Variants in YAF2 observed in about 807,000 individuals in gnomAD.
YAF2 encodes YY1-associated factor 2.
A neutral mutation model predicts 20.1 loss-of-function variants in YAF2; 7 were observed. The observed-to-expected ratio is 0.35, with a 90% CI of 0.20 to 0.65. The LOEUF (loss-of-function observed/expected upper bound fraction) is 0.65, where lower values mean the gene tolerates loss of function less well. Among genes scored for constraint, YAF2 ranks in the 30% least tolerant of loss-of-function variants. YAF2 has a pLI of 0.69. For missense variants in YAF2, 151 were observed against 219.2 expected, an observed-to-expected ratio of 0.69 and a Z score of 1.96; for synonymous variants, 74 against 76.0, an observed-to-expected ratio of 0.97 and a Z score of 0.14.
At chr12:42,213,396 A>G (rs949470894) in intron 2 of YAF2, among the ~76,000 whole-genome samples, 6 of 152,226 alleles carry the variant, frequency 3.9e-5, no homozygotes, top group African/African-American at 1.4e-4. Context: ...ACAAAATTCT[A>G]TTATATTATT....
intron 2 of YAF2, among the ~76,000 whole-genome samples, chr12:42,173,454 A>G (rs1379968872): frequency 6.6e-6 from 1 of 152,198 alleles, no homozygotes; most frequent in African/African-American, 2.4e-5. Flanking sequence ...AAGCCTCTCA[A>G]ATCATTAAAT....
chr12:42,182,825 A>G (rs1001357730), intron 2 of YAF2, among the ~76,000 whole-genome samples: 10 of 152,238 alleles, frequency 6.6e-5, no homozygotes, highest in African/African-American at 2.4e-4. Flanking sequence ...TTTCTAGACC[A>G]CTGCTCAAGT....
At chr12:42,173,170 C>A (rs1274400155) in intron 2 of YAF2, among the ~76,000 whole-genome samples, 2 of 152,186 alleles carry the variant, frequency 1.3e-5, no homozygotes, top group Non-Finnish European at 2.9e-5. Flanking sequence ...ATAGACACTG[C>A]AGCCTCAAAC....
At chr12:42,174,009 C>T (rs1322312316) in intron 2 of YAF2, among the ~76,000 whole-genome samples, 1 of 151,896 alleles carries the variant, frequency 6.6e-6, no homozygotes, top group Non-Finnish European at 1.5e-5. Context: ...TGCCACTGAC[C>T]TCCTTTGTTT....
At chr12:42,223,356 A>G (rs1277584584) in intron 2 of YAF2, among the ~76,000 whole-genome samples, 1 of 151,008 alleles carries the variant, frequency 6.6e-6, no homozygotes, top group African/African-American at 2.5e-5. Flanking sequence ...ACACACACAC[A>G]TATATATACA....
At chr12:42,227,779 CTGTCCGGGAGGGAGGTGGGGGGGT>C (rs2067781703) in intron 2 of YAF2, among the ~76,000 whole-genome samples, 1 of 147,990 alleles carries the variant, frequency 6.8e-6, no homozygotes, top group Non-Finnish European at 1.5e-5. Flanking sequence ...GGCCAGCGTG[CTGTCCGGGAGGGAGGTGGGGGGGT>C]CAGCCCCCCG....
chr12:42,196,369 G>A (rs1344775983), intron 2 of YAF2, among the ~76,000 whole-genome samples: 1 of 152,042 alleles, frequency 6.6e-6, no homozygotes. Context: ...ACTTTATACA[G>A]GTTAATGGAA....
intron 2 of YAF2, among the ~76,000 whole-genome samples, chr12:42,236,858 CTGGA>C (rs1353725020): frequency 6.6e-6 from 1 of 152,166 alleles, no homozygotes; most frequent in African/African-American, 2.4e-5. Context: ...ACTGAATTTC[CTGGA>C]TGATTTTCTT....
intron 2 of YAF2, among the ~76,000 whole-genome samples, chr12:42,229,273 G>A (rs1337559006): frequency 1.6e-5 from 2 of 122,042 alleles, no homozygotes; most frequent in African/African-American, 6.5e-5. Context: ...CACAAACACT[G>A]CGGAAGGCCG....
At chr12:42,227,768 T>G (rs1304657878) in intron 2 of YAF2, among the ~76,000 whole-genome samples, 2 of 139,612 alleles carry the variant, frequency 1.4e-5, no homozygotes, top group South Asian at 5.0e-4. Flanking sequence ...GCCCCCCGCC[T>G]GGCCAGCGTG....
At chr12:42,222,480 T>A (rs990702862) in intron 2 of YAF2, among the ~76,000 whole-genome samples, 2 of 152,196 alleles carry the variant, frequency 1.3e-5, no homozygotes, top group Non-Finnish European at 2.9e-5. Flanking sequence ...GCGGACCATC[T>A]TCCTCACCAG....
At chr12:42,218,072 TAA>T (rs1431029713) in intron 2 of YAF2, among the ~76,000 whole-genome samples, 1 of 152,120 alleles carries the variant, frequency 6.6e-6, no homozygotes, top group Admixed American at 6.6e-5. Context: ...GCTTAATTCT[TAA>T]GTCTATATAT....
At chr12:42,226,535 A>G (rs2137350531) in intron 2 of YAF2, among the ~76,000 whole-genome samples, 1 of 152,092 alleles carries the variant, frequency 6.6e-6, no homozygotes, top group Non-Finnish European at 1.5e-5. Context: ...ATAGTGGCAC[A>G]CCCCTGTAGT....
chr12:42,207,733 A>C (rs1261302209), intron 2 of YAF2, among the ~76,000 whole-genome samples: 1 of 152,086 alleles, frequency 6.6e-6, no homozygotes, highest in Non-Finnish European at 1.5e-5. Flanking sequence ...TCTACTAAAA[A>C]TACAAAAATT....
At chr12:42,209,979 G>A (rs141303310) in intron 2 of YAF2, among the ~76,000 whole-genome samples, 3,666 of 152,076 alleles carry the variant, frequency 0.024, 149 homozygotes, top group African/African-American at 0.084. Flanking sequence ...TCTATTTTTC[G>A]TAGAGACAGG....
chr12:42,229,622 A>T (rs1208160369), intron 2 of YAF2, among the ~76,000 whole-genome samples: 1 of 152,200 alleles, frequency 6.6e-6, no homozygotes, highest in East Asian at 1.9e-4. Flanking sequence ...TGTTCTGAAA[A>T]ATGCATCGTT....
chr12:42,223,580 T>C (rs993647327), intron 2 of YAF2, among the ~76,000 whole-genome samples: 1 of 152,110 alleles, frequency 6.6e-6, no homozygotes, highest in East Asian at 1.9e-4. Context: ...CAGGCTAGTC[T>C]TGAACCCTAG....
At chr12:42,236,649 CCTT>C (rs1395952953) in intron 2 of YAF2, among the ~76,000 whole-genome samples, 2 of 152,034 alleles carry the variant, frequency 1.3e-5, no homozygotes, top group African/African-American at 4.8e-5. Flanking sequence ...ATTACATGTG[CCTT>C]CTTTTTTAAA....
intron 2 of YAF2, chr12:42,212,561 GAA>G: frequency 3.3e-6 from 1 of 306,450 alleles, no homozygotes; most frequent in East Asian, 1.1e-4. Flanking sequence ...ATAAATGAAA[GAA>G]AACAAAACAA....
Sources: gnomAD v4.1 joint callset for allele counts (sites outside exome capture counted in the v4.1 genomes callset) on GRCh38, gnomAD v4.1.1 for gene constraint, MANE v1.5 for transcripts, NCBI Gene and HGNC (gene_info 2026-07-23, HGNC 2026-07-21) for gene names.